The following PIK3AP1 variants were observed in gnomAD, a reference collection of about 807,000 sequenced individuals.
PIK3AP1 encodes phosphoinositide-3-kinase adaptor protein 1.
A neutral mutation model predicts 88.1 loss-of-function variants in PIK3AP1; 21 were observed. That is an observed-to-expected ratio of 0.24 (90% CI 0.17 to 0.34). The LOEUF is 0.34. Ranked by LOEUF, PIK3AP1 falls within the 10% of genes least tolerant of loss-of-function variation. The pLI is 1.00. For missense variants in PIK3AP1, 828 were observed against 1,035.7 expected (o/e 0.80, Z 2.75); for synonymous variants, 398 against 400.0 (o/e 1.00, Z 0.06).
intron 8 of PIK3AP1, among the ~76,000 whole-genome samples, chr10:96,638,451 CACAGACACACACACACACAG>C (rs1564964961): frequency 9.4e-6 from 1 of 106,844 alleles, no homozygotes; most frequent in Non-Finnish European, 1.9e-5. Flanking sequence ...AAGACACACA[CACAGACACACACACACACAG>C]ACACACACAC....
At chr10:96,626,935 C>T in intron 9 of PIK3AP1, 30 bp from the exon 10 acceptor site, 1 of 1,585,388 alleles carries the variant, frequency 6.3e-7, no homozygotes. Context: ...TGACTGAAAG[C>T]AGTGGCCAAA....
chr10:96,620,007 TAG>T (rs1424877272), intron 12 of PIK3AP1, among the ~76,000 whole-genome samples: 3 of 152,020 alleles, frequency 2.0e-5, no homozygotes, highest in East Asian at 3.9e-4. Flanking sequence ...GCAGTAGGAA[TAG>T]AGAGAGAGAG....
At chr10:96,637,240 C>T (rs952761904) in intron 8 of PIK3AP1, among the ~76,000 whole-genome samples, 1 of 151,008 alleles carries the variant, frequency 6.6e-6, no homozygotes, top group Non-Finnish European at 1.5e-5. Flanking sequence ...GTAAGAAAGT[C>T]TAGCTTTTCT....
intron 8 of PIK3AP1, among the ~76,000 whole-genome samples, chr10:96,641,488 G>C (rs1167543263): frequency 1.3e-5 from 2 of 152,112 alleles, no homozygotes; most frequent in Admixed American, 1.3e-4. Flanking sequence ...CCTTAATATG[G>C]TTATTTTCAG....
rs538833840 is a variant in PIK3AP1 at position 96,652,845 on chromosome 10, G to A, written c.568-3C>T. On this transcript the variant is annotated splice_polypyrimidine_tract_variant and splice_region_variant and intron_variant, in intron 3 of 16. Coordinates refer to ENST00000339364, the MANE Select transcript of PIK3AP1 (RefSeq NM_152309.3). ...ATAACATAGACAGTGGTTTCTGCCT[G>A]AAACGGGAAGCCGGTCATTGTCCCC... 6.2e-7 allele frequency: 1 copy of A among 1,612,428 alleles called. No individual in the cohort carries two copies. Among genetic ancestry groups the A allele is most frequent in the South Asian group, 1.1e-5 (1 of 91,066 alleles).
intron 2 of PIK3AP1, among the ~76,000 whole-genome samples, chr10:96,693,650 A>G (rs1442336203): frequency 6.6e-6 from 1 of 152,218 alleles, no homozygotes; most frequent in African/African-American, 2.4e-5. Flanking sequence ...GTCTTCAACT[A>G]AAGCCACCAG....
At chr10:96,689,078 CTG>C (rs1844115782) in intron 2 of PIK3AP1, among the ~76,000 whole-genome samples, 1 of 152,162 alleles carries the variant, frequency 6.6e-6, no homozygotes, top group Non-Finnish European at 1.5e-5. Flanking sequence ...TTACCACATC[CTG>C]ATGTTGAAGG....
intron 2 of PIK3AP1, among the ~76,000 whole-genome samples, chr10:96,707,658 C>T (rs1282424967): frequency 1.3e-5 from 2 of 152,126 alleles, no homozygotes; most frequent in Non-Finnish European, 2.9e-5. Context: ...CAGTCAGTGG[C>T]AATACATCCA....
intron 13 of PIK3AP1, among the ~76,000 whole-genome samples, chr10:96,613,843 C>A (rs1354845071): frequency 6.6e-6 from 1 of 152,166 alleles, no homozygotes; most frequent in African/African-American, 2.4e-5. Flanking sequence ...AGGTGCCAGG[C>A]ACTGTGCTAA....
chr10:96,714,030 C>G (rs9971113), intron 1 of PIK3AP1, among the ~76,000 whole-genome samples: 1 of 151,870 alleles, frequency 6.6e-6, no homozygotes, highest in South Asian at 2.1e-4. Flanking sequence ...AAAAATTAGC[C>G]GGGCATGGTG....
chr10:96,600,713 A>G (rs1848873699), intron 16 of PIK3AP1, among the ~76,000 whole-genome samples: 1 of 152,258 alleles, frequency 6.6e-6, no homozygotes, highest in Non-Finnish European at 1.5e-5. Context: ...TTCTCAACAA[A>G]TTCCACTGAT....
intron 2 of PIK3AP1, among the ~76,000 whole-genome samples, chr10:96,689,134 C>T (rs189478514): frequency 6.6e-6 from 1 of 152,212 alleles, no homozygotes; most frequent in African/African-American, 2.4e-5. Flanking sequence ...ATCATTTTTC[C>T]CCACTATCCC....
intron 1 of PIK3AP1, among the ~76,000 whole-genome samples, chr10:96,719,467 C>T (rs1431856573): frequency 6.6e-6 from 1 of 152,186 alleles, no homozygotes; most frequent in Non-Finnish European, 1.5e-5. Flanking sequence ...AACACTGTAA[C>T]TCTACCTCCT....
At chr10:96,677,901 T>C (rs963075412) in intron 2 of PIK3AP1, among the ~76,000 whole-genome samples, 1 of 152,154 alleles carries the variant, frequency 6.6e-6, no homozygotes, top group African/African-American at 2.4e-5. Flanking sequence ...GAATGATGAA[T>C]TAGAATAGAG....
intron 8 of PIK3AP1, among the ~76,000 whole-genome samples, chr10:96,644,371 A>C (rs1281755143): frequency 2.0e-5 from 3 of 152,224 alleles, no homozygotes; most frequent in Non-Finnish European, 2.9e-5. Flanking sequence ...GTATATGTAC[A>C]AGTATGTCTG....
chr10:96,631,832 G>A (rs1247416047), intron 8 of PIK3AP1, among the ~76,000 whole-genome samples: 2 of 151,590 alleles, frequency 1.3e-5, no homozygotes, highest in Non-Finnish European at 3.0e-5. Flanking sequence ...GCAGTGAGCT[G>A]GGATTAACAC....
chr10:96,687,302 C>T (rs1447174344), intron 2 of PIK3AP1, among the ~76,000 whole-genome samples: 2 of 148,298 alleles, frequency 1.3e-5, no homozygotes, highest in Admixed American at 1.3e-4. Flanking sequence ...AGATCTCCTC[C>T]TTTCAAGGAT....
intron 10 of PIK3AP1, 152 bp from the exon 11 acceptor site, chr10:96,623,689 T>C: frequency 1.5e-6 from 1 of 648,534 alleles, no homozygotes; most frequent in Non-Finnish European, 2.6e-6. Flanking sequence ...CTAGGAATTG[T>C]CAAGTAATGG....
chr10:96,612,036 T>G (rs1849119480), intron 13 of PIK3AP1, among the ~76,000 whole-genome samples: 1 of 152,212 alleles, frequency 6.6e-6, no homozygotes, highest in Non-Finnish European at 1.5e-5. Flanking sequence ...TATACCTCCT[T>G]TAAACTTCAT....
Sources: gnomAD v4.1 joint callset for allele counts (sites outside exome capture counted in the v4.1 genomes callset) on GRCh38, gnomAD v4.1.1 for gene constraint, MANE v1.5 for transcripts, NCBI Gene and HGNC (gene_info 2026-07-23, HGNC 2026-07-21) for gene names.